The following GALNT1 variants were observed in gnomAD, a reference collection of about 807,000 sequenced individuals.
GALNT1 encodes GalNAc transferase 1.
GALNT1 carries 17 observed loss-of-function variants against 65.7 expected under a neutral mutation model. That is an observed-to-expected ratio of 0.26 (90% CI 0.18 to 0.39). GALNT1 has a LOEUF of 0.39. Ranked by LOEUF, GALNT1 falls within the 10% of genes least tolerant of loss-of-function variation. The pLI is 1.00. For missense variants in GALNT1, 460 were observed against 672.8 expected (o/e 0.68, Z 3.50); for synonymous variants, 210 against 219.7 (o/e 0.96, Z 0.39).
upstream of GALNT1, chr18:35,581,201 G>A (rs1283120200): frequency 6.6e-6 from 1 of 152,068 alleles, no homozygotes; most frequent in Admixed American, 6.5e-5. Flanking sequence ...TGACCTGCTC[G>A]ACGCGCAACA....
chr18:35,613,286 T>G (rs1568015710), intron 1 of GALNT1, among the ~76,000 whole-genome samples: 1 of 152,206 alleles, frequency 6.6e-6, no homozygotes, highest in Non-Finnish European at 1.5e-5. Flanking sequence ...TACATTTCTT[T>G]TGGGGAAAAA....
At chr18:35,615,052 AT>A (rs1406946190) in intron 1 of GALNT1, among the ~76,000 whole-genome samples, 1 of 152,164 alleles carries the variant, frequency 6.6e-6, no homozygotes, top group African/African-American at 2.4e-5. Flanking sequence ...ATTTATTGCT[AT>A]TAAAAAAAAC....
intron 1 of GALNT1, among the ~76,000 whole-genome samples, chr18:35,626,223 CCTT>C (rs2046915026): frequency 6.6e-6 from 1 of 152,140 alleles, no homozygotes; most frequent in African/African-American, 2.4e-5. Context: ...TGTTGTCTCT[CCTT>C]CTATATTGCA....
At chr18:35,680,510 C>CAACA (rs1209417685) in intron 4 of GALNT1, among the ~76,000 whole-genome samples, 2 of 152,154 alleles carry the variant, frequency 1.3e-5, no homozygotes, top group Non-Finnish European at 2.9e-5. Context: ...TGTTATATAA[C>CAACA]AACAGTCTAG....
At chr18:35,658,907 A>G (rs1419703570) in intron 2 of GALNT1, among the ~76,000 whole-genome samples, 1 of 151,962 alleles carries the variant, frequency 6.6e-6, no homozygotes, top group Non-Finnish European at 1.5e-5. Context: ...ACGGAGTTTC[A>G]CCATGTTGAC....
Position 35,691,057 on chromosome 18 carries a change from G to A in GALNT1, c.1024G>A (p.Val342Ile). 1 of 1,610,668 alleles carries A rather than the reference G, an allele frequency of 6.2e-7. No homozygotes were observed. The highest frequency in any genetic ancestry group is 8.5e-7 in the Non-Finnish European group (1 of 1,178,806). The change falls in exon 8 of 12, where the codon GTT (valine) becomes ATT (isoleucine). Residue 342 changes from valine (V) to isoleucine (I), a missense_variant. By Grantham distance (29) the Val-to-Ile change is conservative (BLOSUM62 3). Transcript: ENST00000269195. ...TTTGGAAATTGTTACATGCTCACAT[G>A]TTGGACATGTGTTTCGGAAAGCTAC... is the stretch of plus-strand genomic sequence containing the variant. ...GTLEIVTCSH[V>I]GHVFRKATPY... is the part of the protein sequence containing the mutation.
In GALNT1 at chr18:35,687,041, G is replaced by A. The variant is rs765343176; in HGVS notation, c.715G>A (p.Asp239Asn). 3 of 1,612,858 alleles carry A rather than the reference G, an allele frequency of 1.9e-6. No individual in the cohort carries two copies. Among genetic ancestry groups the A allele is most frequent in the South Asian group, 1.1e-5 (1 of 90,852 alleles). The change falls in exon 6 of 12, where the codon GAT becomes AAT. Residue 239 changes from aspartate to asparagine, a missense_variant. By Grantham distance (23) the Asp-to-Asn change is conservative. Coordinates refer to ENST00000269195, the MANE Select transcript of GALNT1 (RefSeq NM_020474.4). The part of the protein sequence containing the change: ...DRRTVVCPII[D>N]VISDDTFEYM... Reference sequence around the variant, plus strand: ...GAGAACAGTGGTGTGTCCCATCATCGATGTGATCAGTGATGATACTTTTGA... The same window carrying A: ...GAGAACAGTGGTGTGTCCCATCATCAATGTGATCAGTGATGATACTTTTGA...
At chr18:35,664,929 T>C (rs531143192) in intron 3 of GALNT1, among the ~76,000 whole-genome samples, 24 of 152,338 alleles carry the variant, frequency 1.6e-4, no homozygotes, top group South Asian at 4.1e-4. Context: ...GTGGTCCTGA[T>C]AGTATATGAA....
intron 8 of GALNT1, among the ~76,000 whole-genome samples, chr18:35,691,492 C>G (rs2144662177): frequency 6.6e-6 from 1 of 152,160 alleles, no homozygotes; most frequent in Middle Eastern, 3.4e-3. Context: ...TGTGAAGTTT[C>G]ATCTTGTTAA....
At chr18:35,620,014 T>C (rs1025408193) in intron 1 of GALNT1, among the ~76,000 whole-genome samples, 2 of 152,200 alleles carry the variant, frequency 1.3e-5, no homozygotes, top group African/African-American at 4.8e-5. Context: ...AGCATTAGGT[T>C]TGGCAGCATC....
At chr18:35,599,435 A>G (rs952055021) in intron 1 of GALNT1, among the ~76,000 whole-genome samples, 11 of 149,658 alleles carry the variant, frequency 7.4e-5, no homozygotes, top group African/African-American at 2.7e-4. Context: ...TTATGGCACA[A>G]TCACAGCTCA....
At chr18:35,644,371 A>C (rs2047203389) in intron 1 of GALNT1, among the ~76,000 whole-genome samples, 1 of 152,208 alleles carries the variant, frequency 6.6e-6, no homozygotes, top group Non-Finnish European at 1.5e-5. Flanking sequence ...TTGACAGCTC[A>C]AAAACTGTGG....
intron 1 of GALNT1, among the ~76,000 whole-genome samples, chr18:35,633,130 G>C (rs1010999006): frequency 1.3e-5 from 2 of 152,168 alleles, no homozygotes; most frequent in African/African-American, 4.8e-5. Flanking sequence ...GTGGAAGACA[G>C]TGTGGCAATT....
intron 11 of GALNT1, among the ~76,000 whole-genome samples, chr18:35,705,054 T>C (rs1279872813): frequency 6.6e-6 from 1 of 152,220 alleles, no homozygotes; most frequent in Non-Finnish European, 1.5e-5. Context: ...TCTCTCTCCT[T>C]CTTCGTCCTA....
At chr18:35,615,024 T>C (rs1430634816) in intron 1 of GALNT1, among the ~76,000 whole-genome samples, 2 of 152,162 alleles carry the variant, frequency 1.3e-5, no homozygotes, top group East Asian at 3.8e-4. Flanking sequence ...TATCAATTAA[T>C]CTGTCTTTAA....
At chr18:35,673,043 T>G (rs1323281372) in intron 3 of GALNT1, among the ~76,000 whole-genome samples, 2 of 152,130 alleles carry the variant, frequency 1.3e-5, no homozygotes, top group Non-Finnish European at 2.9e-5. Context: ...TGCCCTTAGT[T>G]TTATGGTTAG....
chr18:35,613,248 C>T (rs491999), intron 1 of GALNT1, among the ~76,000 whole-genome samples: 70,049 of 151,952 alleles, frequency 0.46, 16,409 homozygotes, highest in Middle Eastern at 0.61. Context: ...CAATGAATTG[C>T]TTTTCCTTTG....
intron 9 of GALNT1, among the ~76,000 whole-genome samples, chr18:35,701,546 AATG>A: frequency 6.6e-6 from 1 of 152,346 alleles, no homozygotes; most frequent in African/African-American, 2.4e-5. Context: ...ATGGATAAAA[AATG>A]ATGATGTAAA....
chr18:35,681,471 G>A (rs906649042), intron 4 of GALNT1, among the ~76,000 whole-genome samples: 2 of 151,378 alleles, frequency 1.3e-5, no homozygotes, highest in East Asian at 1.9e-4. Context: ...TGAGTTACCC[G>A]ACCACAGAAT....
Sources: gnomAD v4.1 joint callset for allele counts (sites outside exome capture counted in the v4.1 genomes callset) on GRCh38, gnomAD v4.1.1 for gene constraint, MANE v1.5 for transcripts, NCBI Gene and HGNC (gene_info 2026-07-23, HGNC 2026-07-21) for gene names.